The following UBQLN4 variants were observed in gnomAD, a reference collection of about 807,000 sequenced individuals.
UBQLN4 encodes ubiquilin-4.
UBQLN4 carries 11 observed loss-of-function variants against 60.4 expected under a neutral mutation model. That is an observed-to-expected ratio of 0.18 (90% CI 0.11 to 0.30). UBQLN4 has a LOEUF of 0.30. Among genes scored for constraint, UBQLN4 ranks in the 10% least tolerant of loss-of-function variants. UBQLN4 has a pLI of 1.00. For missense variants in UBQLN4, 417 were observed against 795.5 expected (o/e 0.52, Z 5.72); for synonymous variants, 258 against 313.1 (o/e 0.82, Z 1.86).
At chr1:156,038,740 C>CG in intron 10 of UBQLN4, among the ~76,000 whole-genome samples, 1 of 151,486 alleles carries the variant, frequency 6.6e-6, no homozygotes, top group South Asian at 2.1e-4. Flanking sequence ...AGGCTGGTCT[C>CG]AAGTGATCCT....
chr1:156,046,916 G>A (rs548779434), intron 5 of UBQLN4, among the ~76,000 whole-genome samples: 5 of 151,952 alleles, frequency 3.3e-5, no homozygotes, highest in East Asian at 1.9e-4. Flanking sequence ...ATATATAGAC[G>A]TTTATAGACA....
downstream of UBQLN4, among the ~76,000 whole-genome samples, chr1:156,033,981 G>A (rs1171404010): frequency 6.6e-6 from 1 of 151,700 alleles, no homozygotes; most frequent in Non-Finnish European, 1.5e-5. Context: ...CTGGGTTCCA[G>A]TCAGTCTTAC....
rs1379794126 is a variant in UBQLN4, at chr1:156,035,484, A to G, written c.*1494T>C. On this transcript the variant is annotated 3_prime_UTR_variant, in exon 11 of 11. Coordinates refer to ENST00000368309, the MANE Select transcript of UBQLN4 (RefSeq NM_020131.5). ...GTCGGTCCTCCAAGCAGCTGGGCCA[A>G]GTAGGAGAGGGAAGAGGTGATATGA... The G allele has an allele frequency of 1.1e-5, 11 of 985,262 alleles. No individual in the cohort carries two copies. Among genetic ancestry groups the G allele is most frequent in the African/African-American group, 1.7e-5 (1 of 57,178 alleles). 61.0% of individuals were successfully genotyped at this position (985,262 alleles called of 1,614,324 possible).
chr1:156,037,257 T>C, intron 10 of UBQLN4, 127 bp from the exon 11 acceptor site: 1 of 1,233,056 alleles, frequency 8.1e-7, no homozygotes, highest in East Asian at 2.4e-5. Context: ...GCAGGGAAGA[T>C]GAGCTGCAAA....
intron 7 of UBQLN4, 146 bp from the exon 8 acceptor site, chr1:156,042,382 G>C: frequency 7.0e-7 from 1 of 1,432,128 alleles, no homozygotes; most frequent in East Asian, 2.6e-5. Context: ...GAAGGCCTAA[G>C]TGGGACAGTG....
chr1:156,036,617 A>G lies in UBQLN4; in HGVS notation c.*361T>C. ...ACCCTAGTGGTATAGATGGAAGACT[A>G]TGTTCCAGTAAACCAGAGAGCTGGT... On this transcript the variant is annotated 3_prime_UTR_variant, in exon 11 of 11. Transcript: ENST00000368309. 1 of 1,021,386 alleles carries G rather than the reference A, an allele frequency of 9.8e-7. No individual in the cohort carries two copies. Among genetic ancestry groups the G allele is most frequent in the Non-Finnish European group, 1.2e-6 (1 of 851,708 alleles). The allele number at this position is 1,021,386 out of a possible 1,614,324, so 63.3% of individuals were successfully genotyped here.
Position 156,042,183 on chromosome 1 carries a change from G to A in UBQLN4, c.1320C>T (p.Leu440=), listed in dbSNP as rs1376590262. The A allele has an allele frequency of 2.5e-6, 4 of 1,608,048 alleles. No individual in the cohort carries two copies. The highest frequency in any genetic ancestry group is 2.5e-6 in the Non-Finnish European group (3 of 1,177,654). Residue 440 remains leucine, a synonymous_variant, in exon 8 of 11, where the codon CTC becomes CTT. Transcript: ENST00000368309. The stretch of plus-strand genomic sequence containing the variant: ...GCAGGAAGACTGGGAGCTGCAGGCG[G>A]AGCTGCTCCTGCAGTTGGGGGTTCC... The part of the protein sequence containing the change: ...FAGNPQLQEQ[L]RLQLPVFLQQ...
At chr1:156,042,290 C>G (rs1683588231) in intron 7 of UBQLN4, 54 bp from the exon 8 acceptor site, 2 of 1,523,318 alleles carry the variant, frequency 1.3e-6, no homozygotes, top group African/African-American at 2.8e-5. Context: ...CCTAAGAATT[C>G]CCCCACAGCC....
intron 6 of UBQLN4, among the ~76,000 whole-genome samples, chr1:156,043,746 G>C (rs1683628007): frequency 6.6e-6 from 1 of 152,106 alleles, no homozygotes; most frequent in Non-Finnish European, 1.5e-5. Flanking sequence ...TAATACCAGA[G>C]GTGCTCATGG....
chr1:156,039,057 G>A (rs1683478603), intron 10 of UBQLN4, among the ~76,000 whole-genome samples: 1 of 151,938 alleles, frequency 6.6e-6, no homozygotes, highest in African/African-American at 2.4e-5. Context: ...CTCCCAAAAT[G>A]TTGGGATTAC....
At chr1:156,052,715 T>C (rs1332940127) in intron 1 of UBQLN4, among the ~76,000 whole-genome samples, 3 of 152,158 alleles carry the variant, frequency 2.0e-5, no homozygotes, top group Non-Finnish European at 4.4e-5. Flanking sequence ...GACACCAAAG[T>C]CCAGGCTCTT....
At chr1:156,034,822 C>CA (rs1683354969), downstream of UBQLN4, among the ~76,000 whole-genome samples, 2 of 42,952 alleles carry the variant, frequency 4.7e-5, no homozygotes, top group African/African-American at 8.7e-5. Flanking sequence ...ATCCCTTAAC[C>CA]TTCTATATAT....
At chr1:156,040,331 G>T (rs1683527787) in intron 10 of UBQLN4, among the ~76,000 whole-genome samples, 1 of 151,716 alleles carries the variant, frequency 6.6e-6, no homozygotes. Flanking sequence ...GGGAGGCAGA[G>T]GTTGCGCCAT....
At chr1:156,037,561 A>T (rs1052462901) in intron 10 of UBQLN4, among the ~76,000 whole-genome samples, 8 of 152,214 alleles carry the variant, frequency 5.3e-5, no homozygotes, top group Non-Finnish European at 1.2e-4. Context: ...GCGCCACTGC[A>T]CTCCAGCCTG....
chr1:156,047,336 C>A (rs1307012681), intron 5 of UBQLN4, among the ~76,000 whole-genome samples: 1 of 151,228 alleles, frequency 6.6e-6, no homozygotes, highest in Non-Finnish European at 1.5e-5. Flanking sequence ...CTCTGCCTCC[C>A]GGGTTCAAGC....
downstream of UBQLN4, among the ~76,000 whole-genome samples, chr1:156,035,127 T>C (rs1240176655): frequency 6.6e-6 from 1 of 151,902 alleles, no homozygotes; most frequent in Non-Finnish European, 1.5e-5. Flanking sequence ...AGTTTCGCTC[T>C]TGTTGCCCAG....
At chr1:156,041,335 G>A in intron 10 of UBQLN4, 150 bp downstream of exon 10, 2 of 731,238 alleles carry the variant, frequency 2.7e-6, no homozygotes, top group Non-Finnish European at 4.2e-6. Context: ...ACTGAACTCA[G>A]GGAGCATCAG....
chr1:156,034,853 A>AAT (rs1558083163), downstream of UBQLN4, among the ~76,000 whole-genome samples: 6 of 113,374 alleles, frequency 5.3e-5, no homozygotes, highest in Non-Finnish European at 1.1e-4. Flanking sequence ...ATATATATAT[A>AAT]TATATATATA....
intron 7 of UBQLN4, 107 bp downstream of exon 7, chr1:156,042,667 A>T: frequency 6.8e-7 from 1 of 1,481,152 alleles, no homozygotes; most frequent in Non-Finnish European, 9.1e-7. Context: ...AGAGCTTGGG[A>T]TGCAAACCCA....
Sources: gnomAD v4.1 joint callset for allele counts (sites outside exome capture counted in the v4.1 genomes callset) on GRCh38, gnomAD v4.1.1 for gene constraint, MANE v1.5 for transcripts, NCBI Gene and HGNC (gene_info 2026-07-23, HGNC 2026-07-21) for gene names.